PTGFRN: variants seen among roughly 807,000 people sequenced by gnomAD.
PTGFRN encodes the protein prostaglandin F2 receptor inhibitor, also known as prostaglandin F2 receptor negative regulator.
PTGFRN carries 35 observed loss-of-function variants against 83.2 expected under a neutral mutation model. That is an observed-to-expected ratio of 0.42 (90% CI 0.32 to 0.56). The LOEUF (loss-of-function observed/expected upper bound fraction) is 0.56. Ranked by LOEUF, PTGFRN falls within the 20% of genes least tolerant of loss-of-function variation. PTGFRN has a pLI of 0.11. For missense variants in PTGFRN, 1,051 were observed against 1,179.5 expected, an observed-to-expected ratio of 0.89 and a Z score of 1.60; for synonymous variants, 519 against 498.6, an observed-to-expected ratio of 1.04 and a Z score of -0.55.
intron 4 of PTGFRN, among the ~76,000 whole-genome samples, chr1:116,959,516 G>C (rs992160518): frequency 6.6e-6 from 1 of 152,166 alleles, no homozygotes; most frequent in African/African-American, 2.4e-5. Flanking sequence ...AAAGTTCCTT[G>C]ACCTCAGCAG....
At chr1:116,972,831 G>A (rs2101084129) in intron 6 of PTGFRN, among the ~76,000 whole-genome samples, 1 of 152,310 alleles carries the variant, frequency 6.6e-6, no homozygotes, top group African/African-American at 2.4e-5. Flanking sequence ...CACCTAAGAG[G>A]AATTCATAAG....
intron 4 of PTGFRN, among the ~76,000 whole-genome samples, chr1:116,957,631 G>A (rs1016506049): frequency 1.3e-4 from 20 of 152,136 alleles, no homozygotes; most frequent in African/African-American, 4.8e-4. Context: ...TGCTGAGAAT[G>A]TCGAAGATCT....
At chr1:116,965,567 G>C (rs1290336173) in intron 5 of PTGFRN, among the ~76,000 whole-genome samples, 1 of 152,078 alleles carries the variant, frequency 6.6e-6, no homozygotes, top group African/African-American at 2.4e-5. Flanking sequence ...TTACAGGAAT[G>C]AGCCACTACA....
At position 116,910,156 on chromosome 1, in the gene PTGFRN, G is replaced by C. The variant is rs1274690038; in HGVS notation, c.-48G>C. The C allele has an allele frequency of 2.0e-6, 3 of 1,515,714 alleles. No individual in the cohort carries two copies. The allele number at this position is 1,515,714 out of a possible 1,614,324, so 93.9% of individuals were successfully genotyped here. On this transcript the variant is annotated 5_prime_UTR_variant, in exon 1 of 9. Transcript: ENST00000393203. ...AGCTGGAAGAGGAGGAGGAGGAGAGGCGGCGGGGAAGGAGGAGGAGGGGGA... is the reference window on the plus strand; with the variant it reads ...AGCTGGAAGAGGAGGAGGAGGAGAGCCGGCGGGGAAGGAGGAGGAGGGGGA...
intron 1 of PTGFRN, among the ~76,000 whole-genome samples, chr1:116,915,725 G>A (rs1161535178): frequency 6.6e-6 from 1 of 152,206 alleles, no homozygotes; most frequent in East Asian, 1.9e-4. Context: ...TAAATAAGGT[G>A]TGTGCTTGTC....
At position 116,923,347 on chromosome 1, in the gene PTGFRN, T is replaced by A. The variant is rs559502501; in HGVS notation, c.49+13095T>A. ...TTATGTGTGCTTATTTATCTTCTTT[T>A]GTTTGGAAAGAATTGCGTGTGACTT... On this transcript the variant is annotated intron_variant, in intron 1 of 8. Coordinates refer to ENST00000393203, the MANE Select transcript of PTGFRN (RefSeq NM_020440.4). This position sits in a 1 kb window ranked among gnomAD's most constrained non-coding sequence, Gnocchi z 4.0. Among the ~76,000 whole-genome samples, 21 of 152,378 alleles carry A rather than the reference T, an allele frequency of 1.4e-4. No individual in the cohort carries two copies. The highest frequency in any genetic ancestry group is 5.0e-4 in the African/African-American group (21 of 41,588).
chr1:116,969,728 T>G (rs1650938814), intron 6 of PTGFRN, among the ~76,000 whole-genome samples: 1 of 152,216 alleles, frequency 6.6e-6, no homozygotes, highest in Non-Finnish European at 1.5e-5. Context: ...TTCATAAACA[T>G]GGGCTATCTT....
intron 1 of PTGFRN, among the ~76,000 whole-genome samples, chr1:116,926,015 C>T (rs939057305): frequency 6.6e-6 from 1 of 152,184 alleles, no homozygotes; most frequent in Admixed American, 6.5e-5. Context: ...TCGGCATAGA[C>T]CCCTCATCAC....
At chr1:116,954,770 C>G (rs1012342072) in intron 4 of PTGFRN, among the ~76,000 whole-genome samples, 4 of 147,312 alleles carry the variant, frequency 2.7e-5, no homozygotes, top group African/African-American at 9.9e-5. Context: ...CCTTAGTCTT[C>G]TAACTTAGCT....
Position 116,918,594 on chromosome 1 carries a change from G to T in PTGFRN, c.49+8342G>T, listed in dbSNP as rs990781831. On this transcript the variant is annotated intron_variant, in intron 1 of 8. Coordinates refer to ENST00000393203, the MANE Select transcript of PTGFRN (RefSeq NM_020440.4). This position sits in a 1 kb window ranked among gnomAD's most constrained non-coding sequence, Gnocchi z 4.1. ...GGAGGTTTGGCATACAAATTACTTG[G>T]TAGTCTGGGCTTTCTCAGTGGGACT... Among the ~76,000 whole-genome samples, 1 of 152,208 alleles carries T rather than the reference G, an allele frequency of 6.6e-6. No individual in the cohort carries two copies. The highest frequency in any genetic ancestry group is 2.4e-5 in the African/African-American group (1 of 41,456).
At chr1:116,963,571 G>T (rs1650734197) in intron 5 of PTGFRN, among the ~76,000 whole-genome samples, 1 of 151,988 alleles carries the variant, frequency 6.6e-6, no homozygotes, top group Admixed American at 6.6e-5. Flanking sequence ...TTTAAGAGGG[G>T]GTGGGGAGTG....
intron 6 of PTGFRN, among the ~76,000 whole-genome samples, chr1:116,973,663 A>T (rs934885927): frequency 6.6e-6 from 1 of 151,532 alleles, no homozygotes; most frequent in Non-Finnish European, 1.5e-5. Context: ...TTTCCCTGGC[A>T]TGCTGAAGCT....
At chr1:116,975,242 G>A (rs1260178475) in intron 7 of PTGFRN, among the ~76,000 whole-genome samples, 1 of 152,246 alleles carries the variant, frequency 6.6e-6, no homozygotes, top group Non-Finnish European at 1.5e-5. Flanking sequence ...CGAACTGGGT[G>A]GAGCCCACTG....
rs1650370112 is a variant in PTGFRN, at chr1:116,952,189, G to A, written c.1213+2617G>A. On this transcript the variant is annotated intron_variant, in intron 4 of 8. Transcript: ENST00000393203. This position sits in a 1 kb window ranked among gnomAD's most constrained non-coding sequence, Gnocchi z 4.0. The stretch of plus-strand genomic sequence containing the variant: ...CAATGTGAAAATATTTTTGGCCTTG[G>A]GACTCAGCTTCATTCCTGAAACTCC... 6.6e-6 allele frequency among the ~76,000 whole-genome samples: 1 copy of A among 152,132 alleles called. No individual in the cohort carries two copies. The highest frequency in any genetic ancestry group is 2.4e-5 in the African/African-American group (1 of 41,408).
chr1:116,909,984 C>G lies in PTGFRN; in HGVS notation c.-220C>G, dbSNP rs1222995294. 5.1e-6 allele frequency: 3 copies of G among 591,060 alleles called. No individual in the cohort carries two copies. Among genetic ancestry groups the G allele is most frequent in the East Asian group, 3.4e-5 (1 of 29,700 alleles). The allele number at this position is 591,060 out of a possible 1,614,324, so 36.6% of individuals were successfully genotyped here. On this transcript the variant is annotated 5_prime_UTR_variant, in exon 1 of 9. Coordinates refer to ENST00000393203, the MANE Select transcript of PTGFRN (RefSeq NM_020440.4). ...GGCGGGGCCGGCTCCCGGGCCCGGC[C>G]GGCTGGAGGAGGGAGGGAAGGAGGC...
chr1:116,985,321 G>T (rs575222761), intron 8 of PTGFRN, among the ~76,000 whole-genome samples: 1 of 152,310 alleles, frequency 6.6e-6, no homozygotes, highest in Admixed American at 6.5e-5. Context: ...GCAGAGAGCA[G>T]CCTTGAGAGA....
intron 6 of PTGFRN, among the ~76,000 whole-genome samples, 171 bp from the exon 7 acceptor site, chr1:116,974,045 G>A (rs1030600850): frequency 1.3e-5 from 2 of 152,164 alleles, no homozygotes; most frequent in Non-Finnish European, 2.9e-5. Context: ...TGTGCCTAAT[G>A]CCCATGTCTC....
intron 1 of PTGFRN, among the ~76,000 whole-genome samples, chr1:116,916,430 A>G (rs2101050073): frequency 6.6e-6 from 1 of 152,308 alleles, no homozygotes; most frequent in African/African-American, 2.4e-5. Flanking sequence ...CTTGGAGCTT[A>G]AAAGTGACTC....
chr1:116,927,120 C>G (rs975399237), intron 1 of PTGFRN, among the ~76,000 whole-genome samples: 3 of 152,178 alleles, frequency 2.0e-5, no homozygotes, highest in African/African-American at 7.2e-5. Flanking sequence ...AAACGGGTGT[C>G]TACTAGCACC....
Sources: allele counts gnomAD v4.1 joint callset (sites outside exome capture counted in the v4.1 genomes callset), GRCh38; gene constraint gnomAD v4.1.1; non-coding constraint Gnocchi (gnomAD v3.1); transcripts MANE v1.5; gene names NCBI Gene and HGNC (gene_info 2026-07-23, HGNC 2026-07-21).